Variants in EPHA4 observed in about 807,000 individuals in gnomAD.
EPHA4 encodes the protein ephrin type-A receptor 4.
Under a neutral mutation model 108.3 loss-of-function variants are expected in EPHA4, and 19 were observed. The observed-to-expected ratio is 0.18, with a 90% CI of 0.12 to 0.26. The LOEUF (loss-of-function observed/expected upper bound fraction) is 0.26, where lower values mean the gene tolerates loss of function less well. Ranked by LOEUF, EPHA4 falls within the 10% of genes least tolerant of loss-of-function variation. The pLI is 1.00. For missense variants in EPHA4, 917 were observed against 1,254.0 expected, an observed-to-expected ratio of 0.73 and a Z score of 4.06; for synonymous variants, 449 against 455.5, an observed-to-expected ratio of 0.99 and a Z score of 0.18.
intron 11 of EPHA4, among the ~76,000 whole-genome samples, chr2:221,440,699 T>C (rs1299072352): frequency 6.6e-6 from 1 of 152,126 alleles, no homozygotes; most frequent in Non-Finnish European, 1.5e-5. Context: ...TACGAGGTTT[T>C]TTCTGAAAAA....
At position 221,479,754 on chromosome 2, in the gene EPHA4, T is replaced by A. The variant is rs73087997; in HGVS notation, c.1318+2598A>T. 3.3e-3 allele frequency among the ~76,000 whole-genome samples: 498 copies of A among 152,354 alleles called. 3 individuals carry two copies. The highest frequency in any genetic ancestry group is 0.011 in the African/African-American group (476 of 41,590). On this transcript the variant is annotated intron_variant, in intron 5 of 17. Transcript: ENST00000281821. The stretch of plus-strand genomic sequence containing the variant: ...TAGAGAACTTCAAATTATGATAGGA[T>A]AATGAAGCAGTGCTCTGCACATATA...
At chr2:221,437,907 C>T (rs1015552961) in intron 11 of EPHA4, among the ~76,000 whole-genome samples, 13 of 150,232 alleles carry the variant, frequency 8.7e-5, no homozygotes, top group African/African-American at 3.0e-4. Context: ...TGGGGGGCGA[C>T]GATACAGAGA....
intron 8 of EPHA4, among the ~76,000 whole-genome samples, chr2:221,447,263 G>A (rs1363342562): frequency 4.6e-5 from 7 of 152,130 alleles, no homozygotes; most frequent in Admixed American, 3.9e-4. Context: ...TTTTCTTAGA[G>A]CTTCAAAGAC....
Position 221,564,349 on chromosome 2 carries a change from T to C in EPHA4, c.205A>G (p.Thr69Ala), listed in dbSNP as rs1429334984. The change falls in exon 3 of 18, where the codon ACC becomes GCC. Residue 69 changes from threonine to alanine, a missense_variant. Transcript: ENST00000281821. ...TCCATCACATTGCACACTTGGTAGG[T>C]TCGGATTGGTGTATTTTTTTCATCC... The part of the protein sequence containing the change: ...IMDEKNTPIR[T>A]YQVCNVMEPS... 1 of 1,613,618 alleles carries C rather than the reference T, an allele frequency of 6.2e-7. No individual in the cohort carries two copies. Among genetic ancestry groups the C allele is most frequent in the Non-Finnish European group, 8.5e-7 (1 of 1,179,708 alleles).
intron 4 of EPHA4, among the ~76,000 whole-genome samples, chr2:221,485,908 A>G (rs550015618): frequency 6.6e-6 from 1 of 152,330 alleles, no homozygotes; most frequent in Non-Finnish European, 1.5e-5. Context: ...GAGATGGCTA[A>G]AAAGAAGAGA....
chr2:221,533,887 T>C (rs1045121332), intron 3 of EPHA4, among the ~76,000 whole-genome samples: 1 of 152,158 alleles, frequency 6.6e-6, no homozygotes, highest in African/African-American at 2.4e-5. Context: ...TTTGCCACCT[T>C]GGGTGCATAC....
At chr2:221,497,043 C>A (rs1692319802) in intron 4 of EPHA4, among the ~76,000 whole-genome samples, 1 of 136,630 alleles carries the variant, frequency 7.3e-6, no homozygotes. Flanking sequence ...GGGCAGCCAT[C>A]AAGTAATTTA....
intron 3 of EPHA4, among the ~76,000 whole-genome samples, chr2:221,514,256 A>G (rs1027573551): frequency 6.6e-6 from 1 of 152,144 alleles, no homozygotes; most frequent in Non-Finnish European, 1.5e-5. Context: ...GTCCAGCCTT[A>G]CAGGTGAGCC....
intron 3 of EPHA4, among the ~76,000 whole-genome samples, chr2:221,517,213 A>G (rs75032694): frequency 0.031 from 4,774 of 152,240 alleles, 254 homozygotes; most frequent in African/African-American, 0.11. Context: ...AGGGCCAGCA[A>G]TTGTGAACAT....
At position 221,434,185 on chromosome 2, in the gene EPHA4, A is replaced by G; in HGVS notation, c.2453T>C (p.Met818Thr). ...WSYGIVMWEV[M>T]SYGERPYWDM... ...CCAATAGGGCCTCTCCCCGTACGAC[A>G]TCACTTCCCACATAACGATTCCATA... Residue 818 changes from methionine (M) to threonine (T), a missense_variant, in exon 14 of 18, where the codon ATG (methionine) becomes ACG (threonine). Physicochemically the swap from Met to Thr is moderately conservative, Grantham distance 81. Coordinates refer to ENST00000281821, the MANE Select transcript of EPHA4 (RefSeq NM_004438.5). 2 of 1,614,144 alleles carry G rather than the reference A, an allele frequency of 1.2e-6. No individual in the cohort carries two copies. Among genetic ancestry groups the G allele is most frequent in the Non-Finnish European group, 1.7e-6 (2 of 1,180,006 alleles).
chr2:221,534,238 G>C (rs1266724106), intron 3 of EPHA4, among the ~76,000 whole-genome samples: 1 of 152,146 alleles, frequency 6.6e-6, no homozygotes, highest in Non-Finnish European at 1.5e-5. Context: ...ATGAATTTGT[G>C]CAAAAACATG....
At chr2:221,477,463 T>C (rs902210465) in intron 5 of EPHA4, among the ~76,000 whole-genome samples, 2 of 152,156 alleles carry the variant, frequency 1.3e-5, no homozygotes, top group Non-Finnish European at 2.9e-5. Flanking sequence ...GATGCTGTGT[T>C]GTGAATTATA....
intron 16 of EPHA4, 143 bp downstream of exon 16, chr2:221,426,321 C>T: frequency 9.3e-7 from 1 of 1,069,876 alleles, no homozygotes; most frequent in Non-Finnish European, 1.3e-6. Flanking sequence ...TTTATAGAGG[C>T]TGTGTAAAAT....
chr2:221,563,094 G>A (rs1279197857), intron 3 of EPHA4, among the ~76,000 whole-genome samples: 1 of 152,158 alleles, frequency 6.6e-6, no homozygotes, highest in Non-Finnish European at 1.5e-5. Flanking sequence ...CCTCCTAAGA[G>A]AAATAAAGAG....
At chr2:221,435,445 A>T (rs2106097802) in intron 13 of EPHA4, among the ~76,000 whole-genome samples, 1 of 152,286 alleles carries the variant, frequency 6.6e-6, no homozygotes, top group Non-Finnish European at 1.5e-5. Context: ...TCAAAACTGG[A>T]GCCAAAGAAA....
At position 221,564,137 on chromosome 2, in the gene EPHA4, C is replaced by A; in HGVS notation, c.417G>T (p.Glu139Asp). 1 of 1,614,160 alleles carries A rather than the reference C, an allele frequency of 6.2e-7. No individual in the cohort carries two copies. The highest frequency in any genetic ancestry group is 8.5e-7 in the Non-Finnish European group (1 of 1,180,036). ...SDNDKERFIRENQFVKIDTIA... is the reference protein window; with the variant it reads ...SDNDKERFIRDNQFVKIDTIA... ...TGGTGTCAATTTTGACAAACTGGTT[C>A]TCTCTGATGAAACGCTCTTTGTCGT... The change falls in exon 3 of 18, where the codon GAG (glutamate) becomes GAT (aspartate). Residue 139 changes from glutamate (E) to aspartate (D), a missense_variant. By Grantham distance (45) the Glu-to-Asp change is conservative. Coordinates refer to ENST00000281821, the MANE Select transcript of EPHA4 (RefSeq NM_004438.5).
At chr2:221,548,387 G>T (rs962075577) in intron 3 of EPHA4, among the ~76,000 whole-genome samples, 1 of 151,778 alleles carries the variant, frequency 6.6e-6, no homozygotes, top group African/African-American at 2.4e-5. Flanking sequence ...AGTCTGGGAC[G>T]TTGTCCTTCT....
At chr2:221,566,872 A>AAGAAGAAGGAGAAGGAGAAGG (rs1553595907) in intron 2 of EPHA4, among the ~76,000 whole-genome samples, 2 of 41,604 alleles carry the variant, frequency 4.8e-5, no homozygotes. Flanking sequence ...GAAGAAGAAG[A>AAGAAGAAGGAGAAGGAGAAGG]AGAAGGAGAA....
upstream of EPHA4, chr2:221,572,407 G>T: frequency 2.2e-6 from 1 of 450,058 alleles, no homozygotes; most frequent in Non-Finnish European, 3.5e-6. Context: ...GGCGCAGACA[G>T]GGCGGCCGAG....
Sources: allele counts gnomAD v4.1 joint callset (sites outside exome capture counted in the v4.1 genomes callset), GRCh38; gene constraint gnomAD v4.1.1; transcripts MANE v1.5; gene names NCBI Gene and HGNC (gene_info 2026-07-23, HGNC 2026-07-21).